Variants in LRMDA observed in about 807,000 individuals in gnomAD.
LRMDA encodes the protein leucine rich melanocyte differentiation associated.
LRMDA carries 18 observed loss-of-function variants against 29.8 expected under a neutral mutation model. That is an observed-to-expected ratio of 0.60 (90% confidence interval 0.42 to 0.90). The LOEUF is 0.90. Among genes scored for constraint, LRMDA ranks in the 40% least tolerant of loss-of-function variants. The pLI, the probability that LRMDA is intolerant of heterozygous loss-of-function variation, is 0.00. For synonymous variants in LRMDA, 125 were observed against 109.4 expected (o/e 1.14, Z -0.89); for missense variants, 273 against 273.9 (o/e 1.00, Z 0.02).
At chr10:75,883,016 A>G (rs1479609996) in intron 2 of LRMDA, among the ~76,000 whole-genome samples, 1 of 152,206 alleles carries the variant, frequency 6.6e-6, no homozygotes, top group Non-Finnish European at 1.5e-5. Flanking sequence ...CTTGTGCCCC[A>G]GTGACAGTCC....
chr10:76,468,278 C>A (rs533824514), intron 6 of LRMDA, among the ~76,000 whole-genome samples: 1 of 152,302 alleles, frequency 6.6e-6, no homozygotes, highest in African/African-American at 2.4e-5. Context: ...TGTGATTTCT[C>A]ACTTCAGTCA....
chr10:75,716,601 C>T (rs1842503137), intron 2 of LRMDA, among the ~76,000 whole-genome samples: 1 of 152,140 alleles, frequency 6.6e-6, no homozygotes, highest in Non-Finnish European at 1.5e-5. Context: ...TGTTGCATAC[C>T]TTTAGGTTCA....
At chr10:75,566,440 C>T (rs1054793422) in intron 2 of LRMDA, among the ~76,000 whole-genome samples, 1 of 152,158 alleles carries the variant, frequency 6.6e-6, no homozygotes, top group African/African-American at 2.4e-5. Context: ...TTAGAATCCT[C>T]ATTTTAACAA....
At chr10:76,264,628 G>C (rs186374402) in intron 5 of LRMDA, among the ~76,000 whole-genome samples, 1 of 152,048 alleles carries the variant, frequency 6.6e-6, no homozygotes, top group African/African-American at 2.4e-5. Context: ...TCCCATAGGA[G>C]AGGTGCAGAT....
chr10:75,777,593 TG>T (rs1407599442), intron 2 of LRMDA, among the ~76,000 whole-genome samples: 1 of 152,238 alleles, frequency 6.6e-6, no homozygotes, highest in Non-Finnish European at 1.5e-5. Context: ...CCCTCCTGAC[TG>T]GGGACCTACT....
intron 6 of LRMDA, among the ~76,000 whole-genome samples, chr10:76,408,852 A>G (rs953896591): frequency 9.9e-5 from 15 of 152,100 alleles, no homozygotes; most frequent in African/African-American, 3.1e-4. Flanking sequence ...GGTGGTTTGC[A>G]TACTCCCCTC....
intron 2 of LRMDA, among the ~76,000 whole-genome samples, chr10:75,518,480 A>G (rs1164882594): frequency 6.6e-6 from 1 of 152,082 alleles, no homozygotes; most frequent in Non-Finnish European, 1.5e-5. Context: ...TTTCTAGTTT[A>G]TTTGCCTAGA....
At chr10:75,907,082 C>T (rs538233225) in intron 2 of LRMDA, among the ~76,000 whole-genome samples, 41 of 151,996 alleles carry the variant, frequency 2.7e-4, no homozygotes, top group African/African-American at 8.7e-4. Context: ...CTAATGTATA[C>T]GAAAGGGAAA....
intron 1 of LRMDA, among the ~76,000 whole-genome samples, chr10:75,436,287 C>A (rs1844263210): frequency 3.9e-5 from 6 of 152,076 alleles, no homozygotes; most frequent in Admixed American, 3.9e-4. Context: ...CTTGGCCATT[C>A]TAAGAGGAAA....
chr10:76,485,923 A>G (rs1842778940), intron 6 of LRMDA, among the ~76,000 whole-genome samples: 1 of 151,946 alleles, frequency 6.6e-6, no homozygotes, highest in Non-Finnish European at 1.5e-5. Flanking sequence ...ATAAAAGGCA[A>G]AAATGAAACT....
chr10:76,188,934 G>A (rs1170535965), intron 5 of LRMDA, among the ~76,000 whole-genome samples: 2 of 116,942 alleles, frequency 1.7e-5, no homozygotes, highest in African/African-American at 9.2e-5. Flanking sequence ...ATGATTGCAT[G>A]TACACACACA....
chr10:76,399,334 G>T (rs78043101), intron 6 of LRMDA, among the ~76,000 whole-genome samples: 1 of 152,138 alleles, frequency 6.6e-6, no homozygotes, highest in African/African-American at 2.4e-5. Context: ...TGGCAGACTC[G>T]CAGACATACT....
intron 2 of LRMDA, among the ~76,000 whole-genome samples, chr10:75,590,530 G>A (rs905338219): frequency 6.6e-6 from 1 of 151,962 alleles, no homozygotes; most frequent in African/African-American, 2.4e-5. Context: ...GAGGAGAAAT[G>A]AACAAAAAGA....
intron 2 of LRMDA, among the ~76,000 whole-genome samples, chr10:75,629,418 T>G (rs1428856377): frequency 6.6e-6 from 1 of 152,242 alleles, no homozygotes; most frequent in East Asian, 1.9e-4. Context: ...TTAAAACATG[T>G]TCTCCTACAC....
rs182481943 is a variant in LRMDA at position 76,536,778 on chromosome 10, G to A, written c.602-20431G>A. On this transcript the variant is annotated intron_variant, in intron 6 of 6. Transcript: ENST00000611255. Reference sequence around the variant, plus strand: ...TGGCTAACGTGGTTACCGCCAGATGGATCCCCTCTAAAGGCTATGTTCCCC... The same window carrying A: ...TGGCTAACGTGGTTACCGCCAGATGAATCCCCTCTAAAGGCTATGTTCCCC... Among the ~76,000 whole-genome samples the A allele has an allele frequency of 1.7e-3, 261 of 152,200 alleles. 1 individual carries two copies. The highest frequency in any genetic ancestry group is 5.9e-3 in the African/African-American group (247 of 41,522).
At chr10:76,016,476 T>C (rs756327992) in intron 2 of LRMDA, among the ~76,000 whole-genome samples, 12 of 152,162 alleles carry the variant, frequency 7.9e-5, no homozygotes, top group Non-Finnish European at 1.5e-4. Context: ...GGCCAAGAAT[T>C]GGGACTAGAT....
chr10:75,696,966 A>C (rs528938854), intron 2 of LRMDA, among the ~76,000 whole-genome samples: 2 of 151,528 alleles, frequency 1.3e-5, no homozygotes, highest in East Asian at 3.9e-4. Context: ...TCTTTTCTAG[A>C]CTCCTCTCCT....
At chr10:75,794,012 G>C (rs950337991) in intron 2 of LRMDA, among the ~76,000 whole-genome samples, 3 of 152,222 alleles carry the variant, frequency 2.0e-5, no homozygotes, top group Non-Finnish European at 4.4e-5. Flanking sequence ...GCATGGCTAT[G>C]TTCCAATCAA....
intron 5 of LRMDA, among the ~76,000 whole-genome samples, chr10:76,159,778 C>T (rs999268383): frequency 6.6e-6 from 1 of 152,070 alleles, no homozygotes; most frequent in Non-Finnish European, 1.5e-5. Flanking sequence ...AAGAAGCCAA[C>T]CTGAGTTATA....
Sources: gnomAD v4.1 joint callset for allele counts (sites outside exome capture counted in the v4.1 genomes callset) on GRCh38, gnomAD v4.1.1 for gene constraint, MANE v1.5 for transcripts, NCBI Gene and HGNC (gene_info 2026-07-23, HGNC 2026-07-21) for gene names.